NEK7: variants seen among roughly 807,000 people sequenced by gnomAD.
The protein encoded by NEK7 is serine/threonine-protein kinase Nek7.
In NEK7, 18 loss-of-function variants were observed where a neutral mutation model predicts 44.6. The ratio of observed to expected loss-of-function variants is 0.40; its 90% CI spans 0.28 to 0.60. The LOEUF is 0.60. Ranked by LOEUF, NEK7 falls within the 20% of genes least tolerant of loss-of-function variation. The pLI, the probability that NEK7 is intolerant of heterozygous loss-of-function variation, is 0.38. For synonymous variants in NEK7, 130 were observed against 121.1 expected (o/e 1.07, Z -0.48); for missense variants, 256 against 366.5 (o/e 0.70, Z 2.46).
rs983377606 is a variant in NEK7 at position 198,160,312 on chromosome 1, GA to G, written c.-29+3037del. ...ATTTCTTTCAGGTTTTGTTTCCCTTGATTTTTTTTTTTTTTTAAATAGGCTT... is the reference window on the plus strand; with the variant it reads ...ATTTCTTTCAGGTTTTGTTTCCCTTGTTTTTTTTTTTTTTTAAATAGGCTT... On this transcript the variant is annotated intron_variant, in intron 1 of 9. Transcript: ENST00000367385. Among the ~76,000 whole-genome samples the G allele has an allele frequency of 4.8e-5, 7 of 146,422 alleles. 1 individual carries two copies. Among genetic ancestry groups the G allele is most frequent in the Middle Eastern group, 3.6e-3 (1 of 280 alleles).
chr1:198,236,338 T>C (rs545409006), intron 2 of NEK7, among the ~76,000 whole-genome samples: 1 of 152,242 alleles, frequency 6.6e-6, no homozygotes, highest in Non-Finnish European at 1.5e-5. Context: ...TGTTTCATTC[T>C]CCTAGTAACA....
At chr1:198,212,736 A>C (rs1665811538) in intron 1 of NEK7, among the ~76,000 whole-genome samples, 1 of 152,196 alleles carries the variant, frequency 6.6e-6, no homozygotes, top group Non-Finnish European at 1.5e-5. Context: ...CCCCAACATA[A>C]GGCAAGCAGA....
chr1:198,263,216 T>C (rs73080755), intron 4 of NEK7, among the ~76,000 whole-genome samples: 1,815 of 152,048 alleles, frequency 0.012, 34 homozygotes, highest in African/African-American at 0.041. Flanking sequence ...TTTTAACTTT[T>C]AGTTAAGACT....
intron 7 of NEK7, among the ~76,000 whole-genome samples, chr1:198,291,085 T>A (rs61436594): frequency 0.097 from 14,762 of 152,194 alleles, 935 homozygotes; most frequent in East Asian, 0.22. Context: ...TTCTTTTTCC[T>A]TATCATCAAT....
At chr1:198,209,753 G>A (rs1029802427) in intron 1 of NEK7, among the ~76,000 whole-genome samples, 2 of 151,394 alleles carry the variant, frequency 1.3e-5, no homozygotes, top group Non-Finnish European at 2.9e-5. Context: ...CTCCTGCCTT[G>A]GCCTTCCAAA....
chr1:198,202,540 C>CT lies in NEK7; in HGVS notation c.-28-30012dup, dbSNP rs571896715. ...GTTACCAGAAATCACAGTGGCTACGCTGGTGCTGCTTTTCTCAGAATCTCT... is the reference window on the plus strand; with the variant it reads ...GTTACCAGAAATCACAGTGGCTACGCTTGGTGCTGCTTTTCTCAGAATCTCT... On this transcript the variant is annotated intron_variant, in intron 1 of 9. Transcript: ENST00000367385. 3.1e-3 allele frequency among the ~76,000 whole-genome samples: 479 copies of CT among 152,302 alleles called. 6 individuals are homozygous for CT. The highest frequency in any genetic ancestry group is 0.013 in the East Asian group (67 of 5,180).
chr1:198,302,451 T>C (rs1654917372), intron 9 of NEK7, among the ~76,000 whole-genome samples: 1 of 151,956 alleles, frequency 6.6e-6, no homozygotes, highest in East Asian at 1.9e-4. Flanking sequence ...CCTGATAATA[T>C]CTTTTCTGCT....
intron 1 of NEK7, among the ~76,000 whole-genome samples, chr1:198,187,779 T>C (rs1664963030): frequency 6.6e-6 from 1 of 152,194 alleles, no homozygotes; most frequent in South Asian, 2.1e-4. Context: ...TCCTGAAGTC[T>C]TTCCCGTGGG....
intron 9 of NEK7, among the ~76,000 whole-genome samples, chr1:198,312,170 A>G (rs140859628): frequency 0.08 from 12,129 of 151,298 alleles, 530 homozygotes; most frequent in East Asian, 0.17. Flanking sequence ...GTCTTGGGAG[A>G]GTGTATGTGT....
At chr1:198,160,010 C>CT (rs5779905) in intron 1 of NEK7, among the ~76,000 whole-genome samples, 22,444 of 151,554 alleles carry the variant, frequency 0.15, 1,812 homozygotes, top group East Asian at 0.22. Context: ...TTTAAGTATT[C>CT]TTTTTTTTTC....
intron 1 of NEK7, among the ~76,000 whole-genome samples, chr1:198,211,947 C>T (rs181409645): frequency 3.3e-4 from 50 of 152,318 alleles, no homozygotes; most frequent in African/African-American, 8.7e-4. Flanking sequence ...CGCAGGGGAG[C>T]GGGACAATCC....
chr1:198,227,711 G>C (rs930870568), intron 1 of NEK7, among the ~76,000 whole-genome samples: 1 of 152,030 alleles, frequency 6.6e-6, no homozygotes, highest in East Asian at 1.9e-4. Flanking sequence ...CTTTTGATGG[G>C]GTTGTTTGTT....
At chr1:198,248,936 A>G (rs1349731309) in intron 2 of NEK7, among the ~76,000 whole-genome samples, 1 of 151,934 alleles carries the variant, frequency 6.6e-6, no homozygotes, top group Admixed American at 6.6e-5. Context: ...CATGTGCACA[A>G]TGTGCAGGTT....
intron 5 of NEK7, among the ~76,000 whole-genome samples, chr1:198,271,628 A>G (rs1653845258): frequency 6.6e-6 from 1 of 151,858 alleles, no homozygotes; most frequent in Non-Finnish European, 1.5e-5. Flanking sequence ...CAGCAGTCCC[A>G]TCTCTCTTTG....
intron 1 of NEK7, among the ~76,000 whole-genome samples, chr1:198,172,814 T>A (rs1430257747): frequency 1.3e-5 from 2 of 152,112 alleles, no homozygotes; most frequent in East Asian, 3.9e-4. Context: ...AGCTTAGAAT[T>A]TAGAGTCCTA....
At chr1:198,312,327 C>A (rs1269921099) in intron 9 of NEK7, among the ~76,000 whole-genome samples, 1 of 150,670 alleles carries the variant, frequency 6.6e-6, no homozygotes, top group Non-Finnish European at 1.5e-5. Flanking sequence ...ATTCTTCTCT[C>A]TTTTTTTCTT....
intron 8 of NEK7, among the ~76,000 whole-genome samples, chr1:198,295,298 C>G (rs1187556449): frequency 6.6e-6 from 1 of 152,120 alleles, no homozygotes; most frequent in Non-Finnish European, 1.5e-5. Context: ...AGAGCTGCCA[C>G]CAGCCCCGAA....
At position 198,188,170 on chromosome 1, in the gene NEK7, G is replaced by A. The variant is rs533129138; in HGVS notation, c.-29+30894G>A. The stretch of plus-strand genomic sequence containing the variant: ...CGTTGTCTATCTCAGCACACTGCTC[G>A]CTCTACCTTTTTTTGTTGTTGTTTT... On this transcript the variant is annotated intron_variant, in intron 1 of 9. Transcript: ENST00000367385. 2.6e-5 allele frequency among the ~76,000 whole-genome samples: 4 copies of A among 152,260 alleles called. No individual in the cohort carries two copies. In the South Asian group the frequency reaches 6.2e-4, roughly 24 times the overall value.
intron 2 of NEK7, among the ~76,000 whole-genome samples, chr1:198,250,379 A>G (rs1002866467): frequency 6.6e-6 from 1 of 152,138 alleles, no homozygotes; most frequent in Non-Finnish European, 1.5e-5. Context: ...TTTTGGTTCC[A>G]TATGAACTTT....
Sources: gnomAD v4.1 joint callset for allele counts (sites outside exome capture counted in the v4.1 genomes callset) on GRCh38, gnomAD v4.1.1 for gene constraint, MANE v1.5 for transcripts, NCBI Gene and HGNC (gene_info 2026-07-23, HGNC 2026-07-21) for gene names.